Variants in ANXA8 observed in about 807,000 individuals in gnomAD.
The protein encoded by ANXA8 is annexin A8.
ANXA8 carries 9 observed loss-of-function variants against 26.8 expected under a neutral mutation model. That is an observed-to-expected ratio of 0.34 (90% CI 0.20 to 0.59). The LOEUF is 0.59. Ranked by LOEUF, ANXA8 falls within the 20% of genes least tolerant of loss-of-function variation. The probability of loss-of-function intolerance (pLI) is 0.84; values close to 1 mark genes in which losing one functional copy is unlikely to be tolerated. For missense variants in ANXA8, 83 were observed against 238.5 expected (o/e 0.35, Z 4.29); for synonymous variants, 39 against 94.8 (o/e 0.41, Z 3.42).
At chr10:47,733,247 CTT>C in the ANXA8 span, among the ~76,000 whole-genome samples, 24 of 87,552 alleles carry the variant, frequency 2.7e-4, no homozygotes, top group Admixed American at 5.2e-4. Context: ...TTCTTTCTTT[CTT>C]TCTTTCTTTC....
the ANXA8 span, among the ~76,000 whole-genome samples, chr10:47,500,583 T>C: frequency 1.5e-5 from 2 of 136,610 alleles, no homozygotes; most frequent in African/African-American, 5.5e-5. Flanking sequence ...CTTTTCCCTT[T>C]GTAATATACT....
the ANXA8 span, among the ~76,000 whole-genome samples, chr10:47,587,308 C>T: frequency 5.3e-4 from 79 of 149,020 alleles, 1 homozygote; most frequent in South Asian, 0.015. Flanking sequence ...CATTTTCTCA[C>T]GATTTATAAA....
At chr10:47,681,446 G>T in the ANXA8 span, among the ~76,000 whole-genome samples, 2 of 150,606 alleles carry the variant, frequency 1.3e-5, no homozygotes, top group Non-Finnish European at 3.0e-5. Flanking sequence ...CAAGCACAGG[G>T]GTTGGCAGGC....
chr10:47,658,984 G>T, the ANXA8 span, among the ~76,000 whole-genome samples: 2 of 149,648 alleles, frequency 1.3e-5, no homozygotes, highest in Middle Eastern at 3.4e-3. Flanking sequence ...CCATTCTCCT[G>T]CCTCAGCCTC....
the ANXA8 span, among the ~76,000 whole-genome samples, chr10:47,494,332 G>GAGAA: frequency 9.2e-6 from 1 of 108,474 alleles, no homozygotes; most frequent in Non-Finnish European, 1.7e-5. Flanking sequence ...CTCAGGCAGG[G>GAGAA]AGAATCTGGC....
At chr10:47,949,293 C>T in the ANXA8 span, among the ~76,000 whole-genome samples, 1 of 148,320 alleles carries the variant, frequency 6.7e-6, no homozygotes, top group Non-Finnish European at 1.5e-5. Flanking sequence ...ACTAATAGTC[C>T]ATGGCATGAT....
the ANXA8 span, among the ~76,000 whole-genome samples, chr10:47,721,393 G>A: frequency 1.4e-5 from 2 of 138,038 alleles, no homozygotes; most frequent in African/African-American, 5.2e-5. Context: ...ACCTGATTAT[G>A]GCATAACTAG....
chr10:47,767,641 C>T, the ANXA8 span, among the ~76,000 whole-genome samples: 2 of 151,330 alleles, frequency 1.3e-5, no homozygotes, highest in African/African-American at 4.9e-5. Context: ...TGACCCAGGC[C>T]TGGCTGCTCA....
chr10:47,587,036 C>T, the ANXA8 span, among the ~76,000 whole-genome samples: 1 of 146,476 alleles, frequency 6.8e-6, no homozygotes, highest in African/African-American at 2.8e-5. Context: ...GAAATCCCGT[C>T]TCTACTAAAA....
the ANXA8 span, among the ~76,000 whole-genome samples, chr10:47,572,748 A>T: frequency 1.4e-5 from 2 of 144,914 alleles, no homozygotes; most frequent in South Asian, 2.3e-4. Flanking sequence ...AAAAAGAAGA[A>T]CGTATCTGTT....
the ANXA8 span, chr10:47,590,106 G>A: frequency 6.8e-6 from 1 of 146,146 alleles, no homozygotes; most frequent in Admixed American, 6.6e-5. Context: ...GGAATTTTAG[G>A]TCAAGAGCTG....
the ANXA8 span, among the ~76,000 whole-genome samples, chr10:47,652,526 G>A: frequency 6.6e-6 from 1 of 150,798 alleles, no homozygotes; most frequent in Non-Finnish European, 1.5e-5. Context: ...GAATCCAGGA[G>A]GTAGAGGTTG....
At chr10:47,733,079 T>C in the ANXA8 span, among the ~76,000 whole-genome samples, 7 of 151,786 alleles carry the variant, frequency 4.6e-5, no homozygotes, top group East Asian at 7.8e-4. Flanking sequence ...TAAATGAGGG[T>C]AGTACCAGCT....
the ANXA8 span, among the ~76,000 whole-genome samples, chr10:47,980,384 G>A: frequency 6.6e-6 from 1 of 151,206 alleles, no homozygotes; most frequent in African/African-American, 2.4e-5. Context: ...CGCAAACTAA[G>A]CCCAAAGCAA....
chr10:47,604,960 T>C, the ANXA8 span, among the ~76,000 whole-genome samples: 1 of 151,260 alleles, frequency 6.6e-6, no homozygotes, highest in Non-Finnish European at 1.5e-5. Context: ...ATGGGATCCA[T>C]TTTCTAAAAC....
the ANXA8 span, among the ~76,000 whole-genome samples, chr10:47,492,560 G>C: frequency 2.1e-5 from 3 of 144,978 alleles, no homozygotes; most frequent in Non-Finnish European, 3.0e-5. Flanking sequence ...GCCACATGCT[G>C]CTTCCCTTAG....
chr10:47,981,825 A>G, the ANXA8 span, among the ~76,000 whole-genome samples: 1 of 151,452 alleles, frequency 6.6e-6, no homozygotes, highest in Non-Finnish European at 1.5e-5. Flanking sequence ...ATGGATTTGG[A>G]AGACTTAATA....
At chr10:47,618,072 T>C in the ANXA8 span, among the ~76,000 whole-genome samples, 5 of 110,154 alleles carry the variant, frequency 4.5e-5, no homozygotes, top group South Asian at 1.1e-3. Context: ...TCAAAACTTA[T>C]AGATTAGCAG....
At chr10:47,704,698 T>A in the ANXA8 span, among the ~76,000 whole-genome samples, 1 of 151,900 alleles carries the variant, frequency 6.6e-6, no homozygotes, top group South Asian at 2.1e-4. Context: ...TAGCTGGATA[T>A]AAGATTAACA....
Sources: gnomAD v4.1 joint callset for allele counts (sites outside exome capture counted in the v4.1 genomes callset) on GRCh38, gnomAD v4.1.1 for gene constraint, MANE v1.5 for transcripts, NCBI Gene and HGNC (gene_info 2026-07-23, HGNC 2026-07-21) for gene names.